PNPLA1: variants seen among roughly 807,000 people sequenced by gnomAD.
PNPLA1 encodes the protein patatin like domain 1, omega-hydroxyceramide transacylase.
Under a neutral mutation model 51.7 loss-of-function variants are expected in PNPLA1, and 36 were observed. The observed-to-expected ratio is 0.70, with a 90% CI of 0.53 to 0.92. PNPLA1 has a LOEUF of 0.92. PNPLA1 is among the 40% of genes least tolerant of loss of function. The probability of loss-of-function intolerance (pLI) is 0.00; values close to 1 mark genes in which losing one functional copy is unlikely to be tolerated. For missense variants in PNPLA1, 658 were observed against 682.5 expected (o/e 0.96, Z 0.40); for synonymous variants, 293 against 280.1 (o/e 1.05, Z -0.46).
Position 36,291,441 on chromosome 6 carries a change from C to G in PNPLA1, c.327C>G (p.Pro109=), listed in dbSNP as rs576403257. The change falls in exon 2 of 9, where the codon CCC becomes CCG. Residue 109 remains proline, a synonymous_variant. Transcript: ENST00000636260. ...MMRQFLYRVL[P]EDSYKVTTGK... ...GGCAGTTTCTGTACCGGGTCCTGCC[C>G]GAGGACTCCTACAAGGTCACCACGG... 1.9e-6 allele frequency: 3 copies of G among 1,614,068 alleles called. No homozygotes were observed. The highest frequency in any genetic ancestry group is 3.3e-4 in the Middle Eastern group (2 of 6,062).
At position 36,264,212 on chromosome 6, in the gene PNPLA1, A is replaced by G. The variant is rs966599270; in HGVS notation, c.-81+20951A>G. On this transcript the variant is annotated intron_variant, in intron 1 of 7. Coordinates refer to the PNPLA1 transcript ENST00000312917. ...CCACATTGTGACCTGAGAAATTCCT[A>G]TGCAGGGCCAAGGAAGGATGTACAC... Among the ~76,000 whole-genome samples the G allele has an allele frequency of 3.2e-4, 49 of 152,330 alleles. 1 individual carries two copies. The highest frequency in any genetic ancestry group is 2.9e-3 in the Admixed American group (45 of 15,302).
chr6:36,275,322 C>G (rs540055289), intron 1 of PNPLA1, among the ~76,000 whole-genome samples: 2 of 152,286 alleles, frequency 1.3e-5, no homozygotes, highest in Admixed American at 6.5e-5. Flanking sequence ...TTCAAGCAAT[C>G]CTCCTTCCTC....
chr6:36,289,624 G>T lies in PNPLA1; in HGVS notation c.206-1696G>T, dbSNP rs1770614722. ...ATTCTGAAGGTTCGAAAAAAAAAAA[G>T]GCTGTCACCATGGCAACCCAGGCTT... is the stretch of plus-strand genomic sequence containing the variant. On this transcript the variant is annotated intron_variant, in intron 1 of 8. Transcript: ENST00000636260. 3.3e-5 allele frequency among the ~76,000 whole-genome samples: 5 copies of T among 151,812 alleles called. No homozygotes were observed. The South Asian group carries it at 1.0e-3, about 32-fold the overall frequency.
intron 1 of PNPLA1, among the ~76,000 whole-genome samples, chr6:36,288,867 T>C (rs1280863796): frequency 6.6e-6 from 1 of 152,124 alleles, no homozygotes; most frequent in Non-Finnish European, 1.5e-5. Context: ...AGCCAGGCAT[T>C]CCAGGGTGCA....
At chr6:36,253,903 G>A (rs1296605093) in intron 1 of PNPLA1, among the ~76,000 whole-genome samples, 2 of 152,062 alleles carry the variant, frequency 1.3e-5, no homozygotes, top group Admixed American at 6.6e-5. Context: ...CGTGTCTTTC[G>A]GCTGTATTCT....
intron 1 of PNPLA1, among the ~76,000 whole-genome samples, chr6:36,272,334 G>A (rs9462167): frequency 0.44 from 66,805 of 151,852 alleles, 15,701 homozygotes; most frequent in African/African-American, 0.61. Context: ...TAAGAATCTA[G>A]TGCTGCCACT....
At chr6:36,288,067 G>A (rs1228921635) in intron 1 of PNPLA1, among the ~76,000 whole-genome samples, 1 of 152,168 alleles carries the variant, frequency 6.6e-6, no homozygotes, top group African/African-American at 2.4e-5. Flanking sequence ...GACTGTAGAT[G>A]AATAATATAC....
chr6:36,289,402 C>T (rs1458000238), intron 1 of PNPLA1, among the ~76,000 whole-genome samples: 1 of 152,136 alleles, frequency 6.6e-6, no homozygotes, highest in Non-Finnish European at 1.5e-5. Flanking sequence ...GAGCAGTTGC[C>T]GCATCACCTG....
At chr6:36,244,056 GC>G (rs1769208042) in intron 1 of PNPLA1, among the ~76,000 whole-genome samples, 1 of 152,200 alleles carries the variant, frequency 6.6e-6, no homozygotes, top group African/African-American at 2.4e-5. Context: ...AAGCAGTGGA[GC>G]TGGAATTCAC....
rs551305152 is a variant in PNPLA1 at position 36,270,597 on chromosome 6, C to G, written c.138C>G (p.Ala46=). ...TGGCCCCCCGGATGCTGGAAACAGC[C>G]CACCGCTTTGCGGGGACATCGGCAG... is the stretch of plus-strand genomic sequence containing the variant. ...RDLAPRMLET[A]HRFAGTSAGA... is the part of the protein sequence containing the mutation. Residue 46 remains alanine, a synonymous_variant, in exon 1 of 9, where the codon GCC becomes GCG. Transcript: ENST00000636260. 17 of 1,551,666 alleles carry G rather than the reference C, an allele frequency of 1.1e-5. No homozygotes were observed. The East Asian group carries it at 3.9e-4, about 36-fold the overall frequency.
Position 36,302,577 on chromosome 6 carries a change from G to A in PNPLA1, c.1384+108G>A, listed in dbSNP as rs145434542. 3.3e-4 allele frequency: 465 copies of A among 1,406,914 alleles called. 2 individuals carry two copies. The highest frequency in any genetic ancestry group is 3.2e-3 in the South Asian group (228 of 70,250). 87.2% of individuals were successfully genotyped at this position (1,406,914 alleles called of 1,614,324 possible). Reference sequence around the variant, plus strand: ...GCTTCTTTAGGGGTGCGTGGCTGAAGTTAGCAGTGAGCTTTAGCATCTCTG... The same window carrying A: ...GCTTCTTTAGGGGTGCGTGGCTGAAATTAGCAGTGAGCTTTAGCATCTCTG... On this transcript the variant is annotated intron_variant, in intron 6 of 8. Coordinates refer to ENST00000636260, the MANE Select transcript of PNPLA1 (RefSeq NM_001374623.1).
intron 1 of PNPLA1, among the ~76,000 whole-genome samples, chr6:36,274,086 T>C (rs1770016107): frequency 6.6e-6 from 1 of 152,214 alleles, no homozygotes; most frequent in Non-Finnish European, 1.5e-5. Context: ...AACTAGCACT[T>C]CCTTTTATAT....
intron 1 of PNPLA1, among the ~76,000 whole-genome samples, chr6:36,263,073 C>A (rs933590648): frequency 2.0e-5 from 3 of 152,116 alleles, no homozygotes; most frequent in Non-Finnish European, 4.4e-5. Context: ...ATGGTCAAAT[C>A]GTTTAAAATA....
chr6:36,255,076 T>C (rs756459639), intron 1 of PNPLA1, among the ~76,000 whole-genome samples: 4 of 152,216 alleles, frequency 2.6e-5, no homozygotes, highest in Non-Finnish European at 4.4e-5. Flanking sequence ...TTTCCTCTTC[T>C]ATAAACAGAG....
chr6:36,273,834 G>A (rs12201879), intron 1 of PNPLA1, among the ~76,000 whole-genome samples: 49,591 of 151,056 alleles, frequency 0.33, 8,652 homozygotes, highest in South Asian at 0.45. Context: ...CTACTTGGCC[G>A]GGCTGTGACG....
intron 1 of PNPLA1, among the ~76,000 whole-genome samples, chr6:36,252,692 A>T (rs998852115): frequency 2.0e-5 from 3 of 152,208 alleles, no homozygotes; most frequent in African/African-American, 7.2e-5. Context: ...GACTCAGGGG[A>T]AGCCTCGTGG....
chr6:36,309,381 T>C (rs921328664), intron 8 of PNPLA1, among the ~76,000 whole-genome samples: 1 of 152,116 alleles, frequency 6.6e-6, no homozygotes, highest in Non-Finnish European at 1.5e-5. Flanking sequence ...TGAGTGTCCT[T>C]ATCTCTGTCT....
intron 1 of PNPLA1, among the ~76,000 whole-genome samples, chr6:36,289,888 G>T (rs72848545): frequency 0.13 from 20,342 of 152,132 alleles, 1,525 homozygotes; most frequent in Middle Eastern, 0.23. Flanking sequence ...GTTTTGGCTT[G>T]TCCCCAGATT....
chr6:36,284,196 A>T (rs896562097), intron 1 of PNPLA1, among the ~76,000 whole-genome samples: 4 of 152,244 alleles, frequency 2.6e-5, no homozygotes, highest in African/African-American at 9.6e-5. Context: ...CTAGGAGCAC[A>T]GGTGATGAAT....
Sources: gnomAD v4.1 joint callset for allele counts (sites outside exome capture counted in the v4.1 genomes callset) on GRCh38, gnomAD v4.1.1 for gene constraint, MANE v1.5 for transcripts, NCBI Gene and HGNC (gene_info 2026-07-23, HGNC 2026-07-21) for gene names.